The following PTPRM variants were observed in gnomAD, a reference collection of about 807,000 sequenced individuals.
The protein encoded by PTPRM is receptor-type tyrosine-protein phosphatase mu.
In PTPRM, 47 loss-of-function variants were observed where a neutral mutation model predicts 186.7. The observed-to-expected ratio is 0.25, with a 90% CI of 0.20 to 0.32. The LOEUF is 0.32. Among genes scored for constraint, PTPRM ranks in the 10% least tolerant of loss-of-function variants. The pLI is 1.00. For missense variants in PTPRM, 1,494 were observed against 1,865.0 expected (o/e 0.80, Z 3.66); for synonymous variants, 668 against 674.9 (o/e 0.99, Z 0.16).
intron 4 of PTPRM, among the ~76,000 whole-genome samples, chr18:7,918,796 G>T (rs1028460183): frequency 1.3e-5 from 2 of 152,120 alleles, no homozygotes; most frequent in Non-Finnish European, 2.9e-5. Context: ...AAGCTTTTTA[G>T]CTTAATGTAG....
intron 14 of PTPRM, among the ~76,000 whole-genome samples, chr18:8,181,530 C>G (rs977703714): frequency 8.5e-5 from 13 of 152,212 alleles, no homozygotes; most frequent in African/African-American, 3.1e-4. Flanking sequence ...GGAAATGAGC[C>G]TGAACCAGAC....
intron 6 of PTPRM, among the ~76,000 whole-genome samples, chr18:7,951,145 C>T (rs1016709410): frequency 1.3e-5 from 2 of 152,174 alleles, no homozygotes; most frequent in African/African-American, 4.8e-5. Context: ...TTTAAAGTCT[C>T]TAACAAAACT....
Position 8,333,697 on chromosome 18 carries a change from G to A in PTPRM, c.2957-9726G>A, listed in dbSNP as rs188563816. ...AAAATGAATGCCTCTCAGGCTCATC[G>A]TCTTCTGTGGTTAAGTCCCACCTTC... On this transcript the variant is annotated intron_variant, in intron 22 of 32. Transcript: ENST00000580170. Among the ~76,000 whole-genome samples the A allele has an allele frequency of 1.9e-3, 282 of 152,238 alleles. 2 individuals carry two copies. The highest frequency in any genetic ancestry group is 6.2e-3 in the African/African-American group (258 of 41,546).
At chr18:7,813,761 C>G (rs1568167257) in intron 2 of PTPRM, among the ~76,000 whole-genome samples, 1 of 149,690 alleles carries the variant, frequency 6.7e-6, no homozygotes, top group African/African-American at 2.5e-5. Flanking sequence ...ATTTTTTCAT[C>G]TTTTTTTCCC....
chr18:7,959,416 C>T (rs1196635366), intron 7 of PTPRM, among the ~76,000 whole-genome samples: 1 of 152,192 alleles, frequency 6.6e-6, no homozygotes, highest in Admixed American at 6.5e-5. Context: ...TTCTGTGCTG[C>T]ATCAGTGACA....
intron 1 of PTPRM, among the ~76,000 whole-genome samples, chr18:7,772,425 TCCC>T (rs2042359508): frequency 1.9e-4 from 25 of 134,094 alleles, no homozygotes; most frequent in African/African-American, 5.2e-4. Context: ...TCTTTCTTTC[TCCC>T]TTCCCCTTCC....
At chr18:7,608,892 G>A (rs2037602598) in intron 1 of PTPRM, among the ~76,000 whole-genome samples, 1 of 152,284 alleles carries the variant, frequency 6.6e-6, no homozygotes, top group South Asian at 2.1e-4. Context: ...GCCTTTCCCA[G>A]TTAGAACAGA....
intron 2 of PTPRM, among the ~76,000 whole-genome samples, chr18:7,789,820 G>T (rs1484452552): frequency 6.6e-6 from 1 of 152,108 alleles, no homozygotes; most frequent in Non-Finnish European, 1.5e-5. Flanking sequence ...GGTTACCCTG[G>T]CACTGAAAAG....
intron 14 of PTPRM, among the ~76,000 whole-genome samples, chr18:8,153,711 G>A (rs1015156384): frequency 1.8e-4 from 28 of 152,308 alleles, no homozygotes; most frequent in African/African-American, 6.3e-4. Context: ...GTCTAAATTT[G>A]AAAGGTAGTG....
intron 2 of PTPRM, among the ~76,000 whole-genome samples, chr18:7,867,726 T>A (rs2047783436): frequency 6.6e-6 from 1 of 152,212 alleles, no homozygotes; most frequent in African/African-American, 2.4e-5. Flanking sequence ...CTGTATTTCC[T>A]GAATTTCAAT....
intron 1 of PTPRM, among the ~76,000 whole-genome samples, chr18:7,718,999 A>G (rs990197220): frequency 1.3e-5 from 2 of 152,358 alleles, no homozygotes; most frequent in East Asian, 3.9e-4. Context: ...GATTCTCTAA[A>G]GAACTAAAAG....
At chr18:8,381,950 G>A (rs2095739529) in intron 29 of PTPRM, among the ~76,000 whole-genome samples, 1 of 152,132 alleles carries the variant, frequency 6.6e-6, no homozygotes, top group Non-Finnish European at 1.5e-5. Context: ...AAACTGCATT[G>A]GAATTCTAAA....
At position 7,881,214 on chromosome 18, in the gene PTPRM, C is replaced by T. The variant is rs2048489720; in HGVS notation, c.197-6892C>T. On this transcript the variant is annotated intron_variant, in intron 2 of 32. Coordinates refer to ENST00000580170, the MANE Select transcript of PTPRM (RefSeq NM_001105244.2). The stretch of plus-strand genomic sequence containing the variant: ...ACTTGGGAGGCTGAGGCAAGTGGAT[C>T]ACCTGAGGTCAGGAGTTTGAGACCA... 2.6e-5 allele frequency among the ~76,000 whole-genome samples: 4 copies of T among 152,244 alleles called. No individual in the cohort carries two copies. In the South Asian group the frequency reaches 8.3e-4, roughly 32 times the overall value.
chr18:8,096,431 T>C (rs1270536100), intron 11 of PTPRM, among the ~76,000 whole-genome samples: 2 of 152,178 alleles, frequency 1.3e-5, no homozygotes, highest in Non-Finnish European at 2.9e-5. Flanking sequence ...TCCCCTCTTA[T>C]TGACCAGCTG....
At chr18:8,001,250 C>T (rs1483524620) in intron 7 of PTPRM, among the ~76,000 whole-genome samples, 2 of 152,164 alleles carry the variant, frequency 1.3e-5, no homozygotes, top group South Asian at 2.1e-4. Flanking sequence ...TTCCTGTGTC[C>T]TCTGTTAGGG....
chr18:7,775,287 A>G (rs150177861), intron 2 of PTPRM, among the ~76,000 whole-genome samples: 3 of 152,282 alleles, frequency 2.0e-5, no homozygotes, highest in African/African-American at 4.8e-5. Flanking sequence ...CTGGACCTCA[A>G]AACCTTTTTA....
intron 1 of PTPRM, among the ~76,000 whole-genome samples, chr18:7,682,542 G>A (rs1414261708): frequency 6.6e-6 from 1 of 152,158 alleles, no homozygotes; most frequent in Non-Finnish European, 1.5e-5. Flanking sequence ...TATAGGATTG[G>A]TATGGTGTCT....
At chr18:8,119,932 T>C (rs1387178410) in intron 13 of PTPRM, among the ~76,000 whole-genome samples, 1 of 152,162 alleles carries the variant, frequency 6.6e-6, no homozygotes, top group East Asian at 1.9e-4. Context: ...CTTTATCTTT[T>C]TTCATTATAA....
At chr18:8,222,254 A>G (rs1364855681) in intron 14 of PTPRM, among the ~76,000 whole-genome samples, 5 of 152,224 alleles carry the variant, frequency 3.3e-5, no homozygotes, top group Non-Finnish European at 7.3e-5. Flanking sequence ...GACACCTTTC[A>G]TGGGTATCCA....
Sources: gnomAD v4.1 joint callset for allele counts (sites outside exome capture counted in the v4.1 genomes callset) on GRCh38, gnomAD v4.1.1 for gene constraint, MANE v1.5 for transcripts, NCBI Gene and HGNC (gene_info 2026-07-23, HGNC 2026-07-21) for gene names.